Variants in CHRM2 observed in about 807,000 individuals in gnomAD.
The protein encoded by CHRM2 is cholinergic receptor muscarinic 2.
A neutral mutation model predicts 25.0 loss-of-function variants in CHRM2; 8 were observed. The observed-to-expected ratio is 0.32, with a 90% CI of 0.19 to 0.58. The LOEUF (loss-of-function observed/expected upper bound fraction) is 0.58. Ranked by LOEUF, CHRM2 falls within the 20% of genes least tolerant of loss-of-function variation. The probability of loss-of-function intolerance (pLI) is 0.88; values close to 1 mark genes in which losing one functional copy is unlikely to be tolerated. For synonymous variants in CHRM2, 202 were observed against 205.7 expected, an observed-to-expected ratio of 0.98 and a Z score of 0.15; for missense variants, 440 against 567.1, an observed-to-expected ratio of 0.78 and a Z score of 2.28.
intron 2 of CHRM2, among the ~76,000 whole-genome samples, chr7:136,942,298 A>C (rs1240297520): frequency 7.9e-5 from 12 of 152,178 alleles, no homozygotes; most frequent in Non-Finnish European, 1.5e-5. Flanking sequence ...AGCAAACCAC[A>C]GCAAATGTTT....
intron 2 of CHRM2, among the ~76,000 whole-genome samples, chr7:136,951,315 C>G (rs1800401127): frequency 6.6e-6 from 1 of 152,152 alleles, no homozygotes; most frequent in South Asian, 2.1e-4. Flanking sequence ...ACCACCAGCA[C>G]AGCACCTCCC....
rs545503366 is a variant in CHRM2, at chr7:136,952,803, T to C, written c.-124-39384T>C. 2.0e-5 allele frequency among the ~76,000 whole-genome samples: 3 copies of C among 152,274 alleles called. No homozygotes were observed. The East Asian group carries it at 5.8e-4, about 29-fold the overall frequency. On this transcript the variant is annotated intron_variant, in intron 2 of 3. Transcript: ENST00000680005. ...GTTCCTATCACTTAGCTCCCACTTA[T>C]GAGTAAGAACATAAGGTATTTGGTT...
chr7:136,986,038 C>T lies in CHRM2; in HGVS notation c.-124-6149C>T, dbSNP rs141371817. 6.3e-4 allele frequency among the ~76,000 whole-genome samples: 96 copies of T among 152,186 alleles called. 1 individual carries two copies. In the East Asian group the frequency reaches 0.014, roughly 22 times the overall value. ...TTTTTTATATAAATGAATGGATTCT[C>T]AATAACTACACCAAGTGACCCGTCC... is the stretch of plus-strand genomic sequence containing the variant. On this transcript the variant is annotated intron_variant, in intron 2 of 3. Transcript: ENST00000680005.
At chr7:136,903,222 G>T (rs1797333602) in intron 2 of CHRM2, 2 of 534,104 alleles carry the variant, frequency 3.7e-6, no homozygotes, top group African/African-American at 1.9e-5. Context: ...TCTCCAGGTG[G>T]GTCAAGTTTA....
intron 2 of CHRM2, among the ~76,000 whole-genome samples, chr7:136,922,365 T>C (rs1466430044): frequency 1.3e-5 from 2 of 152,238 alleles, no homozygotes; most frequent in African/African-American, 2.4e-5. Context: ...GCTACCTCTC[T>C]GGCCCTGCTC....
intron 2 of CHRM2, among the ~76,000 whole-genome samples, chr7:136,880,098 T>C: frequency 6.6e-6 from 1 of 151,682 alleles, no homozygotes; most frequent in South Asian, 2.1e-4. Flanking sequence ...CTTGCCTCTC[T>C]GTGGTTTATC....
intron 2 of CHRM2, among the ~76,000 whole-genome samples, chr7:136,890,416 C>T (rs1177728443): frequency 1.3e-5 from 2 of 152,210 alleles, no homozygotes; most frequent in Non-Finnish European, 2.9e-5. Context: ...TCTGTGACCA[C>T]TGGCTACCTT....
intron 2 of CHRM2, among the ~76,000 whole-genome samples, chr7:136,919,092 ACTTTTGGAGACCC>A (rs1308470980): frequency 1.3e-5 from 2 of 152,048 alleles, no homozygotes; most frequent in African/African-American, 4.8e-5. Context: ...TGAATAGACA[ACTTTTGGAGACCC>A]CTAAGACATG....
intron 2 of CHRM2, among the ~76,000 whole-genome samples, chr7:136,972,679 T>C (rs1276660864): frequency 2.0e-5 from 3 of 152,224 alleles, no homozygotes; most frequent in Non-Finnish European, 2.9e-5. Context: ...GTGGTGGTCA[T>C]GGCAGTGGTA....
At chr7:136,999,725 A>G (rs1339529323) in intron 3 of CHRM2, among the ~76,000 whole-genome samples, 2 of 152,178 alleles carry the variant, frequency 1.3e-5, no homozygotes, top group Non-Finnish European at 2.9e-5. Flanking sequence ...TGTTCTACAT[A>G]CAGGATAAGT....
chr7:136,907,470 T>C (rs1797618243), intron 2 of CHRM2, among the ~76,000 whole-genome samples: 1 of 151,938 alleles, frequency 6.6e-6, no homozygotes, highest in South Asian at 2.1e-4. Context: ...CTTCACTTTC[T>C]CACTCAGATT....
At chr7:136,899,253 G>A (rs766433194) in intron 2 of CHRM2, 1 of 151,940 alleles carries the variant, frequency 6.6e-6, no homozygotes, top group Non-Finnish European at 1.5e-5. Flanking sequence ...TTCAAAAAGG[G>A]CTCTTTCTGT....
intron 3 of CHRM2, among the ~76,000 whole-genome samples, chr7:137,010,034 A>C (rs1356596480): frequency 6.6e-6 from 1 of 152,042 alleles, no homozygotes; most frequent in Non-Finnish European, 1.5e-5. Context: ...TTTAATACTT[A>C]ATACTAATAG....
At chr7:136,924,876 G>GT (rs1460900563) in intron 2 of CHRM2, among the ~76,000 whole-genome samples, 1 of 152,152 alleles carries the variant, frequency 6.6e-6, no homozygotes, top group African/African-American at 2.4e-5. Flanking sequence ...GTAACACAGA[G>GT]TATTTCATAA....
intron 2 of CHRM2, among the ~76,000 whole-genome samples, chr7:136,917,224 G>A (rs559709141): frequency 3.3e-5 from 5 of 149,518 alleles, no homozygotes; most frequent in Non-Finnish European, 7.4e-5. Context: ...CCTGCTCGCC[G>A]TCCTCTTTCC....
intron 2 of CHRM2, among the ~76,000 whole-genome samples, chr7:136,895,772 T>C (rs1414648223): frequency 2.0e-5 from 3 of 152,152 alleles, no homozygotes; most frequent in Non-Finnish European, 4.4e-5. Flanking sequence ...TCATAGAAAA[T>C]AAGGATTTGA....
At chr7:137,005,847 T>G (rs995155636) in intron 3 of CHRM2, among the ~76,000 whole-genome samples, 1 of 152,138 alleles carries the variant, frequency 6.6e-6, no homozygotes, top group African/African-American at 2.4e-5. Flanking sequence ...ACCAGCAGCC[T>G]GCCGACTTTA....
intron 2 of CHRM2, among the ~76,000 whole-genome samples, chr7:136,877,525 G>A (rs1796095921): frequency 6.6e-6 from 1 of 151,852 alleles, no homozygotes. Flanking sequence ...CTGGTGTTCT[G>A]TGTAGATTCT....
At chr7:136,979,528 T>C (rs1045535624) in intron 2 of CHRM2, among the ~76,000 whole-genome samples, 3 of 152,234 alleles carry the variant, frequency 2.0e-5, no homozygotes, top group African/African-American at 4.8e-5. Flanking sequence ...CCCAGGCCTA[T>C]ATCCGTAATG....
Sources: gnomAD v4.1 joint callset for allele counts (sites outside exome capture counted in the v4.1 genomes callset) on GRCh38, gnomAD v4.1.1 for gene constraint, MANE v1.5 for transcripts, NCBI Gene and HGNC (gene_info 2026-07-23, HGNC 2026-07-21) for gene names.